Variants in ZFR observed in about 807,000 individuals in gnomAD.
ZFR encodes the protein zinc finger RNA-binding protein.
A neutral mutation model predicts 130.7 loss-of-function variants in ZFR; 19 were observed. That is an observed-to-expected ratio of 0.15 (90% CI 0.10 to 0.21). The LOEUF (loss-of-function observed/expected upper bound fraction) is 0.21. Ranked by LOEUF, ZFR falls within the 10% of genes least tolerant of loss-of-function variation. The pLI, the probability that ZFR is intolerant of heterozygous loss-of-function variation, is 1.00. For synonymous variants in ZFR, 466 were observed against 456.9 expected, an observed-to-expected ratio of 1.02 and a Z score of -0.25; for missense variants, 872 against 1,321.5, an observed-to-expected ratio of 0.66 and a Z score of 5.27.
At chr5:32,368,392 C>A (rs758009128) in intron 17 of ZFR, among the ~76,000 whole-genome samples, 10 of 152,216 alleles carry the variant, frequency 6.6e-5, no homozygotes, top group Non-Finnish European at 1.3e-4. Context: ...TGAGCCACCA[C>A]GCCCAGCTAA....
At chr5:32,381,483 G>A (rs908815351) in intron 15 of ZFR, among the ~76,000 whole-genome samples, 9 of 151,866 alleles carry the variant, frequency 5.9e-5, no homozygotes, top group Non-Finnish European at 1.2e-4. Flanking sequence ...AAATTATGGG[G>A]CATTTAGAAT....
chr5:32,413,273 A>G (rs769155452), intron 5 of ZFR, among the ~76,000 whole-genome samples: 7 of 152,174 alleles, frequency 4.6e-5, no homozygotes, highest in Non-Finnish European at 1.0e-4. Flanking sequence ...GGGAAAAAAC[A>G]TTAATCAGAG....
intron 2 of ZFR, among the ~76,000 whole-genome samples, chr5:32,443,939 C>T (rs1000745182): frequency 6.6e-6 from 1 of 152,106 alleles, no homozygotes; most frequent in Non-Finnish European, 1.5e-5. Flanking sequence ...CGCAGGAGGC[C>T]ATTTTAGTTA....
chr5:32,444,121 G>A, intron 2 of ZFR, 108 bp downstream of exon 2: 1 of 1,287,026 alleles, frequency 7.8e-7, no homozygotes, highest in Non-Finnish European at 1.0e-6. Flanking sequence ...GCCTGCAGCG[G>A]GCCGGGGCTC....
chr5:32,381,383 C>T (rs1331381051), intron 15 of ZFR, among the ~76,000 whole-genome samples: 3 of 152,094 alleles, frequency 2.0e-5, no homozygotes, highest in Non-Finnish European at 4.4e-5. Flanking sequence ...TTATTCCAAT[C>T]TAATTCACAG....
intron 17 of ZFR, among the ~76,000 whole-genome samples, chr5:32,373,112 T>C (rs1405160519): frequency 1.3e-5 from 2 of 152,150 alleles, no homozygotes; most frequent in Non-Finnish European, 2.9e-5. Flanking sequence ...AAAATTCCCT[T>C]GGCTGGGTGC....
chr5:32,368,083 A>G (rs1257536426), intron 17 of ZFR, among the ~76,000 whole-genome samples: 2 of 152,154 alleles, frequency 1.3e-5, no homozygotes, highest in Non-Finnish European at 2.9e-5. Flanking sequence ...GTTTCCATGA[A>G]TATTAGTTTC....
intron 11 of ZFR, 91 bp from the exon 12 acceptor site, chr5:32,390,528 CCCA>C: frequency 4.7e-6 from 6 of 1,274,208 alleles, no homozygotes; most frequent in Non-Finnish European, 6.3e-6. Context: ...AATAAAAAAC[CCCA>C]CCAACATCAG....
At chr5:32,377,261 T>G (rs1030273700) in intron 17 of ZFR, among the ~76,000 whole-genome samples, 1 of 150,996 alleles carries the variant, frequency 6.6e-6, no homozygotes, top group African/African-American at 2.4e-5. Flanking sequence ...CGAGACAGAA[T>G]CTTGCTCTGT....
At chr5:32,359,212 TA>T (rs1385476066) in intron 19 of ZFR, among the ~76,000 whole-genome samples, 1 of 151,956 alleles carries the variant, frequency 6.6e-6, no homozygotes, top group Non-Finnish European at 1.5e-5. Context: ...AAAAAACCCC[TA>T]AAGCAAGTCT....
chr5:32,413,675 A>T (rs1313854752), intron 5 of ZFR, among the ~76,000 whole-genome samples: 3 of 151,914 alleles, frequency 2.0e-5, no homozygotes, highest in East Asian at 1.9e-4. Context: ...GTGGACATTT[A>T]AAAAAAATGT....
intron 2 of ZFR, among the ~76,000 whole-genome samples, chr5:32,426,794 T>C (rs115429141): frequency 0.043 from 6,544 of 151,866 alleles, 143 homozygotes; most frequent in Middle Eastern, 0.075. Flanking sequence ...CCCCAGCTAC[T>C]TGGGAGGCTG....
At chr5:32,424,411 GT>G (rs1305639443) in intron 2 of ZFR, among the ~76,000 whole-genome samples, 14 of 152,218 alleles carry the variant, frequency 9.2e-5, no homozygotes, top group Admixed American at 8.5e-4. Flanking sequence ...GGCACCTGTA[GT>G]CCCGGCTACT....
In ZFR at chr5:32,432,430, C is replaced by A. The variant is rs563392194; in HGVS notation, c.137+11799G>T. On this transcript the variant is annotated intron_variant, in intron 2 of 19. Transcript: ENST00000265069. ...GTGATGTTGAGCGTCTTTTCATACG[C>A]TTTTTGGCCATTTGTATGTCATTTT... Among the ~76,000 whole-genome samples, 7 of 152,200 alleles carry A rather than the reference C, an allele frequency of 4.6e-5. 1 individual carries two copies. In the South Asian group the frequency reaches 1.5e-3, roughly 32 times the overall value.
chr5:32,444,447 C>T (rs1033403899), intron 1 of ZFR, 119 bp from the exon 2 acceptor site: 4 of 1,302,326 alleles, frequency 3.1e-6, no homozygotes, highest in African/African-American at 1.6e-5. Context: ...CCTGGCGGGG[C>T]CCAGGCCGCG....
At chr5:32,382,502 A>G (rs1332212825) in intron 15 of ZFR, among the ~76,000 whole-genome samples, 1 of 152,214 alleles carries the variant, frequency 6.6e-6, no homozygotes, top group East Asian at 1.9e-4. Flanking sequence ...GTTAATTCAC[A>G]ATTTTATTTC....
intron 9 of ZFR, among the ~76,000 whole-genome samples, 197 bp from the exon 10 acceptor site, chr5:32,397,535 C>T (rs928973301): frequency 1.3e-5 from 2 of 152,006 alleles, no homozygotes. Flanking sequence ...CTCACTACAA[C>T]CTCAGCCTCC....
chr5:32,368,246 C>T (rs1403840478), intron 17 of ZFR, among the ~76,000 whole-genome samples: 2 of 136 alleles, frequency 0.015, no homozygotes, highest in Non-Finnish European at 0.036. Flanking sequence ...AACTTTTTTC[C>T]CCCCCCAACA....
chr5:32,364,787 G>A (rs1436873822), intron 17 of ZFR: 1 of 152,140 alleles, frequency 6.6e-6, no homozygotes, highest in African/African-American at 2.4e-5. Flanking sequence ...CCAATGCAGG[G>A]AGTGGTGTTT....
Sources: gnomAD v4.1 joint callset for allele counts (sites outside exome capture counted in the v4.1 genomes callset) on GRCh38, gnomAD v4.1.1 for gene constraint, MANE v1.5 for transcripts, NCBI Gene and HGNC (gene_info 2026-07-23, HGNC 2026-07-21) for gene names.